Variants in ZNF507 observed in about 807,000 individuals in gnomAD.
ZNF507 encodes the protein zinc finger protein 507.
A neutral mutation model predicts 80.0 loss-of-function variants in ZNF507; 29 were observed. The ratio of observed to expected loss-of-function variants is 0.36; its 90% confidence interval spans 0.27 to 0.49. ZNF507 has a LOEUF of 0.49. Among genes scored for constraint, ZNF507 ranks in the 20% least tolerant of loss-of-function variants. ZNF507 has a pLI of 0.98. For synonymous variants in ZNF507, 462 were observed against 422.5 expected, an observed-to-expected ratio of 1.09 and a Z score of -1.15; for missense variants, 1,081 against 1,152.2, an observed-to-expected ratio of 0.94 and a Z score of 0.90.
At position 32,353,485 on chromosome 19, in the gene ZNF507, G is replaced by A. The variant is rs775547341; in HGVS notation, c.655G>A (p.Asp219Asn). The A allele has an allele frequency of 6.2e-7, 1 of 1,614,230 alleles. No individual in the cohort carries two copies. Among genetic ancestry groups the A allele is most frequent in the Non-Finnish European group, 8.5e-7 (1 of 1,180,042 alleles). Residue 219 changes from aspartate (D) to asparagine (N), a missense_variant, in exon 3 of 7, where the codon GAC becomes AAC. Physicochemically the swap from Asp to Asn is conservative, Grantham distance 23. Around this residue, in one of 6 missense-constraint regions of ZNF507, gnomAD observed 275 missense variants for 303.9 expected, o/e 0.90. Transcript: ENST00000355898. ...ETIPDIPVSV[D>N]NLQTHTVQTA... Reference sequence around the variant, plus strand: ...CATTCCAGATATCCCAGTAAGTGTGGACAATCTACAGACTCATACTGTCCA... The same window carrying A: ...CATTCCAGATATCCCAGTAAGTGTGAACAATCTACAGACTCATACTGTCCA...
rs1568311105 is a variant in ZNF507 at position 32,382,813 on chromosome 19, A to G, written c.2592A>G (p.Ser864=). 6.2e-7 allele frequency: 1 copy of G among 1,614,194 alleles called. No individual in the cohort carries two copies. The highest frequency in any genetic ancestry group is 2.2e-5 in the East Asian group (1 of 44,870). The change falls in exon 7 of 7, where the codon TCA becomes TCG. Residue 864 remains serine, a synonymous_variant. Transcript: ENST00000355898. ...TGSSENAVSS[S]ELMSQTPSEV... ...GTTCAGAAAATGCAGTGTCATCTTC[A>G]GAACTGATGTCCCAGACTCCCAGTG... is the stretch of plus-strand genomic sequence containing the variant.
At chr19:32,362,223 G>A (rs573787541) in intron 5 of ZNF507, among the ~76,000 whole-genome samples, 3 of 152,158 alleles carry the variant, frequency 2.0e-5, no homozygotes, top group Admixed American at 6.5e-5. Flanking sequence ...ATTTACATTC[G>A]TGATTTATAC....
Position 32,384,624 on chromosome 19 carries a change from G to T in ZNF507, c.*1541G>T, listed in dbSNP as rs1476895719. The T allele has an allele frequency of 1.3e-5, 2 of 152,154 alleles. No individual in the cohort carries two copies. Among genetic ancestry groups the T allele is most frequent in the Non-Finnish European group, 2.9e-5 (2 of 68,040 alleles). 9.4% of individuals were successfully genotyped at this position (152,154 alleles called of 1,614,324 possible). A position where few individuals can be genotyped will look rare whatever the true frequency, so the allele number is the denominator to read the frequency against. ...TTTTAAGAAGTATTCTGTTCCTAAA[G>T]TCCAGGTATGATTGGATTAATATTT... On this transcript the variant is annotated 3_prime_UTR_variant, in exon 7 of 7. Coordinates refer to ENST00000355898, the MANE Select transcript of ZNF507 (RefSeq NM_001136156.2).
At chr19:32,365,827 T>C (rs1967391098) in intron 5 of ZNF507, among the ~76,000 whole-genome samples, 1 of 152,196 alleles carries the variant, frequency 6.6e-6, no homozygotes, top group Admixed American at 6.5e-5. Context: ...GGGAAGTACA[T>C]GGGCTTTGGG....
chr19:32,350,566 A>G (rs1170908422), intron 2 of ZNF507, among the ~76,000 whole-genome samples: 2 of 152,204 alleles, frequency 1.3e-5, no homozygotes, highest in Admixed American at 6.5e-5. Flanking sequence ...ACACACTGAA[A>G]TATCCACAGG....
rs374560265 is a variant in ZNF507, at chr19:32,386,381, T to C, written c.*3298T>C. The C allele has an allele frequency of 1.1e-4, 17 of 152,766 alleles. No homozygotes were observed. The East Asian group carries it at 1.2e-3, about 10-fold the overall frequency. 9.5% of individuals were successfully genotyped at this position (152,766 alleles called of 1,614,324 possible). A position where few individuals can be genotyped will look rare whatever the true frequency, so the allele number is the denominator to read the frequency against. On this transcript the variant is annotated 3_prime_UTR_variant, in exon 7 of 7. Transcript: ENST00000355898. ...TGTTTTTAGTTTTCATAGACACTTA[T>C]TTAATCTTTTTAAATTGTACAGCAA...
chr19:32,367,803 G>T (rs542442501), intron 5 of ZNF507, among the ~76,000 whole-genome samples: 3 of 152,302 alleles, frequency 2.0e-5, no homozygotes, highest in African/African-American at 4.8e-5. Context: ...GAATGGAAAT[G>T]ATAAGGTTGT....
intron 5 of ZNF507, among the ~76,000 whole-genome samples, chr19:32,367,140 G>A (rs542405704): frequency 6.6e-6 from 1 of 152,286 alleles, no homozygotes; most frequent in African/African-American, 2.4e-5. Context: ...TGAAGCGGGA[G>A]CAGATATGTC....
intron 2 of ZNF507, among the ~76,000 whole-genome samples, chr19:32,349,199 C>G (rs1216301620): frequency 6.6e-6 from 1 of 152,206 alleles, no homozygotes; most frequent in African/African-American, 2.4e-5. Flanking sequence ...ATATTCTGAT[C>G]TCACTCTGCT....
rs1967213335 is a variant in ZNF507 at position 32,354,106 on chromosome 19, C to T, written c.1276C>T (p.Leu426=). The change falls in exon 3 of 7, where the codon CTG becomes TTG. Residue 426 remains leucine (L), a synonymous_variant. Coordinates refer to ENST00000355898, the MANE Select transcript of ZNF507 (RefSeq NM_001136156.2). The stretch of plus-strand genomic sequence containing the variant: ...CACTGAAATGGAAGAAGGGAAGGAC[C>T]TGAGCCTGACAGAAGCTCAGATTGG... ...MNTEMEEGKD[L]SLTEAQIGRE... The T allele has an allele frequency of 1.5e-5, 24 of 1,613,684 alleles. No individual in the cohort carries two copies. The highest frequency in any genetic ancestry group is 1.9e-5 in the Non-Finnish European group (23 of 1,180,022).
In ZNF507 at chr19:32,383,031, T is replaced by C. The variant is rs754484720; in HGVS notation, c.2810T>C (p.Ile937Thr). Residue 937 changes from isoleucine to threonine, a missense_variant, in exon 7 of 7, where the codon ATT becomes ACT. Physicochemically the swap from Ile to Thr is moderately conservative, Grantham distance 89. This residue lies in a region of ZNF507 where 138 missense variants were observed against 158.4 expected (regional missense o/e 0.87). Transcript: ENST00000355898. ...CATATGAAAGAGCACGAGGGTGAAATTGTAAACATCATCCTGAATAAGGAC... is the reference window on the plus strand; with the variant it reads ...CATATGAAAGAGCACGAGGGTGAAACTGTAAACATCATCCTGAATAAGGAC... ...LDHMKEHEGEIVNIILNKDHN... is the reference protein window; with the variant it reads ...LDHMKEHEGETVNIILNKDHN... 2 of 1,613,936 alleles carry C rather than the reference T, an allele frequency of 1.2e-6. No individual in the cohort carries two copies. Among genetic ancestry groups the C allele is most frequent in the African/African-American group, 1.3e-5 (1 of 74,894 alleles).
intron 1 of ZNF507, 66 bp downstream of exon 1, chr19:32,345,849 C>T (rs1021207773): frequency 6.5e-6 from 1 of 152,698 alleles, no homozygotes; most frequent in Non-Finnish European, 1.5e-5. Flanking sequence ...TGCATCCTCC[C>T]CTCAGGCCTC....
Position 32,353,109 on chromosome 19 carries a change from C to T in ZNF507, c.279C>T (p.Ile93=), listed in dbSNP as rs1407675512. 1 of 1,614,192 alleles carries T rather than the reference C, an allele frequency of 6.2e-7. No individual in the cohort carries two copies. Among genetic ancestry groups the T allele is most frequent in the Admixed American group, 1.7e-5 (1 of 60,022 alleles). ...QELCEIPAKV[I]QSPAADTRRA... ...TTTGTGAGATTCCGGCTAAAGTAAT[C>T]CAGTCACCTGCTGCTGATACTAGAA... Residue 93 remains isoleucine, a synonymous_variant, in exon 3 of 7, where the codon ATC becomes ATT. Transcript: ENST00000355898.
intron 5 of ZNF507, among the ~76,000 whole-genome samples, chr19:32,381,207 A>G (rs1361361219): frequency 1.3e-5 from 2 of 152,172 alleles, no homozygotes; most frequent in Non-Finnish European, 2.9e-5. Flanking sequence ...CCCGGGATTC[A>G]GGGGCAGGAA....
chr19:32,380,489 T>C (rs1429143654), intron 5 of ZNF507: 1 of 1,000,592 alleles, frequency 1.0e-6, no homozygotes, highest in African/African-American at 1.6e-5. Context: ...CAAAGTTAAA[T>C]TGGAGGTGGG....
At position 32,386,200 on chromosome 19, in the gene ZNF507, G is replaced by A. The variant is rs1027197953; in HGVS notation, c.*3117G>A. On this transcript the variant is annotated 3_prime_UTR_variant, in exon 7 of 7. Coordinates refer to ENST00000355898, the MANE Select transcript of ZNF507 (RefSeq NM_001136156.2). ...GACACCGACCGAAGCCTTTGTTCTG[G>A]ATCTTTCTTCCTATTGAAGGTGGCT... is the stretch of plus-strand genomic sequence containing the variant. 1.3e-5 allele frequency: 2 copies of A among 152,578 alleles called. No individual in the cohort carries two copies. Among genetic ancestry groups the A allele is most frequent in the Non-Finnish European group, 2.9e-5 (2 of 68,036 alleles). The allele number at this position is 152,578 out of a possible 1,614,324, so 9.5% of individuals were successfully genotyped here.
chr19:32,372,236 G>T (rs764981902), intron 5 of ZNF507, among the ~76,000 whole-genome samples: 2 of 152,078 alleles, frequency 1.3e-5, no homozygotes, highest in Non-Finnish European at 2.9e-5. Context: ...ATCTACATAT[G>T]TACATTAAAA....
intron 5 of ZNF507, among the ~76,000 whole-genome samples, chr19:32,366,464 A>C (rs547726635): frequency 9.5e-4 from 144 of 152,300 alleles, no homozygotes; most frequent in African/African-American, 3.4e-3. Flanking sequence ...GGAATCATAC[A>C]GTACATATTC....
intron 5 of ZNF507, among the ~76,000 whole-genome samples, chr19:32,366,696 T>C (rs1302261363): frequency 6.6e-6 from 1 of 152,264 alleles, no homozygotes; most frequent in Non-Finnish European, 1.5e-5. Flanking sequence ...TGGGCACATA[T>C]ATGAAATGAG....
Sources: gnomAD v4.1 joint callset for allele counts (sites outside exome capture counted in the v4.1 genomes callset) on GRCh38, gnomAD v4.1.1 for gene constraint, gnomAD v4.1.1 regional missense constraint, MANE v1.5 for transcripts, NCBI Gene and HGNC (gene_info 2026-07-23, HGNC 2026-07-21) for gene names.